HEATR5B: variants seen among roughly 807,000 people sequenced by gnomAD.
HEATR5B encodes HEAT repeat-containing protein 5B.
Under a neutral mutation model 224.1 loss-of-function variants are expected in HEATR5B, and 156 were observed. The observed-to-expected ratio is 0.70, with a 90% CI of 0.61 to 0.80. The LOEUF (loss-of-function observed/expected upper bound fraction) is 0.80, where lower values mean the gene tolerates loss of function less well. Ranked by LOEUF, HEATR5B falls within the 30% of genes least tolerant of loss-of-function variation. HEATR5B has a pLI of 0.00. For synonymous variants in HEATR5B, 1,027 were observed against 893.0 expected, an observed-to-expected ratio of 1.15 and a Z score of -2.68; for missense variants, 2,323 against 2,535.5, an observed-to-expected ratio of 0.92 and a Z score of 1.80.
intron 17 of HEATR5B, among the ~76,000 whole-genome samples, chr2:37,051,322 C>G (rs1465441285): frequency 7.3e-6 from 1 of 136,928 alleles, no homozygotes; most frequent in South Asian, 2.3e-4. Flanking sequence ...CGCCACTGCA[C>G]TCCAGCCTGG....
chr2:37,007,328 A>G (rs1364423842), intron 28 of HEATR5B, 24 bp from the exon 29 acceptor site: 1 of 1,566,730 alleles, frequency 6.4e-7, no homozygotes, highest in Non-Finnish European at 8.6e-7. Flanking sequence ...AAATCAATTA[A>G]AAACATTACT....
Position 37,060,646 on chromosome 2 carries a change from T to G in HEATR5B, c.1784A>C (p.Glu595Ala), listed in dbSNP as rs1671227618. 9.9e-6 allele frequency: 16 copies of G among 1,614,050 alleles called. No individual in the cohort carries two copies. Among genetic ancestry groups the G allele is most frequent in the African/African-American group, 1.3e-5 (1 of 75,050 alleles). ...GGTAAAAGAATCGCCTCGGGCCTTC[T>G]CAGCTTCCAATTCCTTTAAGGAACG... ...FPRSLKELEA[E>A]KARGDSFTWQ... is the part of the protein sequence containing the mutation. The change falls in exon 12 of 36, where the codon GAG becomes GCG. Residue 595 changes from glutamate (E) to alanine (A), a missense_variant. By Grantham distance (107) the Glu-to-Ala change is moderately radical (BLOSUM62 -1). Transcript: ENST00000233099.
At chr2:37,061,907 G>A (rs368643520) in intron 11 of HEATR5B, 32 bp downstream of exon 11, 11 of 1,320,340 alleles carry the variant, frequency 8.3e-6, no homozygotes, top group South Asian at 2.4e-5. Context: ...CAGTTATAGC[G>A]TGACAAAAAT....
At position 37,028,772 on chromosome 2, in the gene HEATR5B, A is replaced by G; in HGVS notation, c.3510T>C (p.His1170=). The G allele has an allele frequency of 1.2e-6, 2 of 1,614,130 alleles. No individual in the cohort carries two copies. Among genetic ancestry groups the G allele is most frequent in the Non-Finnish European group, 1.7e-6 (2 of 1,179,998 alleles). Residue 1170 remains histidine (H), a synonymous_variant, in exon 23 of 36, where the codon CAT becomes CAC. Transcript: ENST00000233099. The stretch of plus-strand genomic sequence containing the variant: ...AAGAAAGCATATGTCCCAAAGTGTC[A>G]TGAATATCAGAACATAATTTTCGAT... The part of the protein sequence containing the change: ...ETDRKLCSDI[H]DTLGHMLSSL...
At chr2:37,015,972 G>T (rs1190934205) in intron 26 of HEATR5B, among the ~76,000 whole-genome samples, 1 of 151,996 alleles carries the variant, frequency 6.6e-6, no homozygotes, top group Non-Finnish European at 1.5e-5. Context: ...AATAAAGAAA[G>T]AAATTGAAAA....
intron 15 of HEATR5B, 58 bp from the exon 16 acceptor site, chr2:37,056,673 A>T (rs1363311645): frequency 7.1e-7 from 1 of 1,406,066 alleles, no homozygotes; most frequent in African/African-American, 1.4e-5. Flanking sequence ...CTACTTATTA[A>T]ACATTGGGAA....
At chr2:37,066,058 A>T (rs560480797) in intron 8 of HEATR5B, 148 bp from the exon 9 acceptor site, 1 of 627,164 alleles carries the variant, frequency 1.6e-6, no homozygotes, top group African/African-American at 1.8e-5. Flanking sequence ...AACTTGTAGA[A>T]CTAAACACTG....
rs558795793 is a variant in HEATR5B at position 37,010,411 on chromosome 2, T to C, written c.4285-1563A>G. 3.3e-5 allele frequency among the ~76,000 whole-genome samples: 5 copies of C among 152,218 alleles called. No homozygotes were observed. The East Asian group carries it at 5.8e-4, about 18-fold the overall frequency. Reference sequence around the variant, plus strand: ...ACAGCACAGAGAAAATATACAGCAATTGACTAAATTCTAAAATAGGGACTT... The same window carrying C: ...ACAGCACAGAGAAAATATACAGCAACTGACTAAATTCTAAAATAGGGACTT... On this transcript the variant is annotated intron_variant, in intron 27 of 35. Coordinates refer to ENST00000233099, the MANE Select transcript of HEATR5B (RefSeq NM_019024.3).
rs1448795842 is a variant in HEATR5B at position 37,039,151 on chromosome 2, A to AC, written c.3047-1128dup. On this transcript the variant is annotated intron_variant, in intron 20 of 35. Coordinates refer to ENST00000233099, the MANE Select transcript of HEATR5B (RefSeq NM_019024.3). Reference sequence around the variant, plus strand: ...AGACCAGCCTGGGCAACATAGTGAGACCCCCATCTCTTAAAAAGAGAAAAA... The same window carrying AC: ...AGACCAGCCTGGGCAACATAGTGAGACCCCCCATCTCTTAAAAAGAGAAAAA... 2.1e-5 allele frequency among the ~76,000 whole-genome samples: 3 copies of AC among 145,190 alleles called. No homozygotes were observed. In the East Asian group the frequency reaches 6.4e-4, roughly 31 times the overall value.
chr2:37,078,128 G>C (rs191511526), intron 3 of HEATR5B, among the ~76,000 whole-genome samples: 1 of 152,244 alleles, frequency 6.6e-6, no homozygotes, highest in Non-Finnish European at 1.5e-5. Context: ...CTTGGAAGTG[G>C]GCAGGTGGTC....
At chr2:37,066,984 C>T (rs1043858952) in intron 8 of HEATR5B, among the ~76,000 whole-genome samples, 1 of 152,018 alleles carries the variant, frequency 6.6e-6, no homozygotes, top group African/African-American at 2.4e-5. Context: ...GTCCTCCCAA[C>T]TCACCCTCCT....
At chr2:37,008,567 T>TA (rs1558723990) in intron 28 of HEATR5B, 44 bp downstream of exon 28, 4 of 1,324,508 alleles carry the variant, frequency 3.0e-6, no homozygotes, top group Non-Finnish European at 4.4e-6. Flanking sequence ...GTTTAACTAC[T>TA]ACTTTGAACT....
chr2:37,045,179 T>G (rs1670112282), intron 18 of HEATR5B, among the ~76,000 whole-genome samples: 1 of 152,202 alleles, frequency 6.6e-6, no homozygotes, highest in Non-Finnish European at 1.5e-5. Flanking sequence ...ATTTGCTAAT[T>G]TCATCTTTTT....
intron 12 of HEATR5B, among the ~76,000 whole-genome samples, chr2:37,059,436 G>A (rs1210527403): frequency 1.3e-3 from 101 of 80,374 alleles, no homozygotes; most frequent in African/African-American, 4.9e-3. Flanking sequence ...GTGTGTGTGT[G>A]TGTGTGTGTG....
Position 37,070,404 on chromosome 2 carries a change from T to C in HEATR5B, c.770-17A>G, listed in dbSNP as rs765823472. 3.1e-6 allele frequency: 5 copies of C among 1,606,266 alleles called. No individual in the cohort carries two copies. In the Admixed American group the frequency reaches 8.4e-5, roughly 27 times the overall value. On this transcript the variant is annotated splice_polypyrimidine_tract_variant and intron_variant, in intron 6 of 35. Coordinates refer to ENST00000233099, the MANE Select transcript of HEATR5B (RefSeq NM_019024.3). The stretch of plus-strand genomic sequence containing the variant: ...GACGCATTACTTTCAAGAAGAAAAA[T>C]TAAAGTATAAGCAAATATATTTCTG...
intron 35 of HEATR5B, among the ~76,000 whole-genome samples, chr2:36,985,474 T>TC (rs1214718009): frequency 6.0e-5 from 9 of 150,632 alleles, no homozygotes; most frequent in African/African-American, 2.2e-4. Flanking sequence ...TTTTTTTTTT[T>TC]TGAGACAGAG....
chr2:37,013,783 C>T, intron 27 of HEATR5B, 58 bp downstream of exon 27: 1 of 1,420,676 alleles, frequency 7.0e-7, no homozygotes, highest in African/African-American at 1.4e-5. Flanking sequence ...AGTAGAGGAA[C>T]ATTTTCTCAT....
At chr2:37,083,258 A>G (rs1437326010) in intron 2 of HEATR5B, 31 bp downstream of exon 2, 1 of 1,612,488 alleles carries the variant, frequency 6.2e-7, no homozygotes, top group South Asian at 1.1e-5. Context: ...CTTCACGTTA[A>G]TGCAACTGGG....
intron 2 of HEATR5B, among the ~76,000 whole-genome samples, 158 bp from the exon 3 acceptor site, chr2:37,079,489 T>C (rs564405979): frequency 7.9e-5 from 12 of 152,346 alleles, no homozygotes; most frequent in Admixed American, 7.8e-4. Flanking sequence ...AATGAAAAGT[T>C]CTGTAAGAAA....
Sources: allele counts gnomAD v4.1 joint callset (sites outside exome capture counted in the v4.1 genomes callset), GRCh38; gene constraint gnomAD v4.1.1; transcripts MANE v1.5; gene names NCBI Gene and HGNC (gene_info 2026-07-23, HGNC 2026-07-21).